The following RP9 variants were observed in gnomAD, a reference collection of about 807,000 sequenced individuals.
The protein encoded by RP9 is retinitis pigmentosa 9 protein.
Under a neutral mutation model 32.6 loss-of-function variants are expected in RP9, and 23 were observed. The observed-to-expected ratio is 0.71, with a 90% CI of 0.51 to 1.00. RP9 has a LOEUF of 1.00. Ranked by LOEUF, RP9 falls within the 50% of genes least tolerant of loss-of-function variation. RP9 has a pLI of 0.00. For missense variants in RP9, 245 were observed against 285.3 expected (o/e 0.86, Z 1.02); for synonymous variants, 94 against 103.6 (o/e 0.91, Z 0.56).
rs1788307368 is a variant in RP9, at chr7:33,094,988, A to G, written c.*246T>C. ...AAAGGAATCGTAAACTCATGTGACCAGCAGGGAGGACAACGATGAAGAAAC... is the reference window on the plus strand; with the variant it reads ...AAAGGAATCGTAAACTCATGTGACCGGCAGGGAGGACAACGATGAAGAAAC... On this transcript the variant is annotated 3_prime_UTR_variant, in exon 6 of 6. Transcript: ENST00000297157. 1.9e-6 allele frequency: 1 copy of G among 539,046 alleles called. No homozygotes were observed. Among genetic ancestry groups the G allele is most frequent in the African/African-American group, 1.9e-5 (1 of 52,666 alleles). The allele number at this position is 539,046 out of a possible 1,614,324, so 33.4% of individuals were successfully genotyped here.
At chr7:33,097,479 T>C (rs1788355749) in intron 3 of RP9, 117 bp from the exon 4 acceptor site, 1 of 740,812 alleles carries the variant, frequency 1.3e-6, no homozygotes, top group Non-Finnish European at 2.2e-6. Context: ...AAACAAAATA[T>C]AATTATGGAC....
At chr7:33,101,964 A>G (rs1463584602) in intron 1 of RP9, among the ~76,000 whole-genome samples, 1 of 152,208 alleles carries the variant, frequency 6.6e-6, no homozygotes, top group Non-Finnish European at 1.5e-5. Context: ...AAATCCAAAA[A>G]TCCAATAAAT....
At chr7:33,101,694 A>G (rs771603531) in intron 1 of RP9, among the ~76,000 whole-genome samples, 7 of 152,174 alleles carry the variant, frequency 4.6e-5, no homozygotes, top group Non-Finnish European at 7.3e-5. Flanking sequence ...CTAATCCCAG[A>G]TCTGTTCCCT....
intron 1 of RP9, chr7:33,100,982 T>C (rs577429094): frequency 2.1e-4 from 72 of 347,104 alleles, no homozygotes; most frequent in African/African-American, 1.5e-3. Context: ...GTCTGTCCCT[T>C]GACCCTTTAA....
At chr7:33,103,402 G>A (rs1788455554) in intron 1 of RP9, among the ~76,000 whole-genome samples, 1 of 152,206 alleles carries the variant, frequency 6.6e-6, no homozygotes, top group Non-Finnish European at 1.5e-5. Context: ...TTGATAAAAA[G>A]GGTACCCTGC....
At chr7:33,096,204 T>C (rs1424366519) in intron 5 of RP9, among the ~76,000 whole-genome samples, 1 of 152,102 alleles carries the variant, frequency 6.6e-6, no homozygotes, top group South Asian at 2.1e-4. Flanking sequence ...CACATGAAAA[T>C]ATCAATTATA....
At chr7:33,096,638 C>A in intron 4 of RP9, 84 bp from the exon 5 acceptor site, 2 of 973,184 alleles carry the variant, frequency 2.1e-6, no homozygotes, top group South Asian at 1.3e-5. Context: ...TTATGAAAAC[C>A]AGTTTATTTT....
chr7:33,099,228 G>A (rs1788389488), intron 3 of RP9, 79 bp downstream of exon 3: 1 of 1,542,202 alleles, frequency 6.5e-7, no homozygotes, highest in African/African-American at 1.4e-5. Context: ...ATGAGAACAA[G>A]TTAAATAAAA....
intron 4 of RP9, 127 bp from the exon 5 acceptor site, chr7:33,096,681 A>G: frequency 1.3e-6 from 1 of 754,484 alleles, no homozygotes; most frequent in Non-Finnish European, 2.4e-6. Flanking sequence ...TGCATGTTCA[A>G]CATGTTCTAG....
chr7:33,098,958 G>C (rs1409067393), intron 3 of RP9, among the ~76,000 whole-genome samples: 1 of 152,168 alleles, frequency 6.6e-6, no homozygotes, highest in East Asian at 1.9e-4. Flanking sequence ...CAGAAAGATG[G>C]TGTCTTAGTC....
chr7:33,106,161 GT>G lies in RP9; in HGVS notation c.152+3059del, dbSNP rs200910013. ...AGTAATAATTCATAGTTATATTGCT[GT>G]TTTTTTTTTGTTTGTTTGTTTTTGA... On this transcript the variant is annotated intron_variant, in intron 1 of 5. Coordinates refer to ENST00000297157, the MANE Select transcript of RP9 (RefSeq NM_203288.2). 5.7e-3 allele frequency among the ~76,000 whole-genome samples: 842 copies of G among 148,394 alleles called. 7 individuals are homozygous for G. Among genetic ancestry groups the G allele is most frequent in the African/African-American group, 0.02 (797 of 40,512 alleles).
intron 1 of RP9, among the ~76,000 whole-genome samples, chr7:33,108,535 G>T (rs1345211230): frequency 3.9e-5 from 6 of 152,170 alleles, no homozygotes; most frequent in African/African-American, 1.2e-4. Context: ...CGACTCGCCT[G>T]TTGTAAACAG....
chr7:33,096,459 T>C (rs938843135), intron 5 of RP9, 34 bp downstream of exon 5: 6 of 1,492,796 alleles, frequency 4.0e-6, no homozygotes, highest in Admixed American at 1.7e-5. Flanking sequence ...TTTAAAACTT[T>C]AAGGGGATAT....
chr7:33,097,552 T>G (rs1010058296), intron 3 of RP9, among the ~76,000 whole-genome samples, 190 bp from the exon 4 acceptor site: 19 of 152,196 alleles, frequency 1.2e-4, no homozygotes, highest in African/African-American at 4.3e-4. Flanking sequence ...CCTTTAGTCT[T>G]ATACCTTTAG....
At chr7:33,106,286 A>G (rs978289725) in intron 1 of RP9, among the ~76,000 whole-genome samples, 1 of 151,932 alleles carries the variant, frequency 6.6e-6, no homozygotes, top group African/African-American at 2.4e-5. Context: ...TTCCCACTTC[A>G]GCCTCCCAAG....
At chr7:33,099,063 C>G in intron 3 of RP9, 1 of 575,984 alleles carries the variant, frequency 1.7e-6, no homozygotes, top group Non-Finnish European at 3.1e-6. Context: ...AATCTGAGAT[C>G]AGGGTCCCAG....
At chr7:33,102,718 AG>A (rs1308259786) in intron 1 of RP9, among the ~76,000 whole-genome samples, 2 of 152,208 alleles carry the variant, frequency 1.3e-5, no homozygotes, top group Non-Finnish European at 2.9e-5. Flanking sequence ...CCCTAATGCA[AG>A]TGTACTCCAT....
intron 4 of RP9, among the ~76,000 whole-genome samples, chr7:33,096,957 T>C (rs1051570508): frequency 3.3e-5 from 5 of 152,238 alleles, no homozygotes; most frequent in African/African-American, 1.2e-4. Flanking sequence ...ATTTCAGTCA[T>C]GAAACATGAC....
At position 33,098,924 on chromosome 7, in the gene RP9, C is replaced by T. The variant is rs371318511; in HGVS notation, c.313+383G>A. On this transcript the variant is annotated intron_variant, in intron 3 of 5. Transcript: ENST00000297157. ...ACACAGGAAAATGGGTGATCCAACACGGGAGAGAGGCTAAGGGGACCTGCA... is the reference window on the plus strand; with the variant it reads ...ACACAGGAAAATGGGTGATCCAACATGGGAGAGAGGCTAAGGGGACCTGCA... 8.5e-5 allele frequency among the ~76,000 whole-genome samples: 13 copies of T among 152,220 alleles called. No individual in the cohort carries two copies. The South Asian group carries it at 1.9e-3, about 22-fold the overall frequency.
Sources: gnomAD v4.1 joint callset for allele counts (sites outside exome capture counted in the v4.1 genomes callset) on GRCh38, gnomAD v4.1.1 for gene constraint, MANE v1.5 for transcripts, NCBI Gene and HGNC (gene_info 2026-07-23, HGNC 2026-07-21) for gene names.